The following FBXO32 variants were observed in gnomAD, a reference collection of about 807,000 sequenced individuals.
FBXO32 encodes the protein F-box only protein 32.
In FBXO32, 15 loss-of-function variants were observed where a neutral mutation model predicts 48.3. The observed-to-expected ratio is 0.31, with a 90% confidence interval of 0.21 to 0.48. FBXO32 has a LOEUF of 0.48. Ranked by LOEUF, FBXO32 falls within the 20% of genes least tolerant of loss-of-function variation. The pLI is 0.99. For missense variants in FBXO32, 309 were observed against 432.7 expected (o/e 0.71, Z 2.54); for synonymous variants, 154 against 165.9 (o/e 0.93, Z 0.55).
At position 123,513,286 on chromosome 8, in the gene FBXO32, A is replaced by G; in HGVS notation, c.563T>C (p.Val188Ala). 1 of 1,614,216 alleles carries G rather than the reference A, an allele frequency of 6.2e-7. No homozygotes were observed. The highest frequency in any genetic ancestry group is 1.1e-5 in the South Asian group (1 of 91,082). ...CTLVQRVGKS[V>A]LVGNINMWVY... ...CCACATGTTAATGTTCCCGACCAGC[A>G]CAGACTTGCCGACTCTTTGGACCAG... Residue 188 changes from valine (V) to alanine (A), a missense_variant, in exon 6 of 9, where the codon GTG (valine) becomes GCG (alanine). By Grantham distance (64) the Val-to-Ala change is moderately conservative. Coordinates refer to ENST00000517956, the MANE Select transcript of FBXO32 (RefSeq NM_058229.4). The surrounding 1 kb of genome is among the most constrained non-coding windows in gnomAD (Gnocchi z 4.3).
chr8:123,506,455 G>A lies in FBXO32; in HGVS notation c.771C>T (p.His257=), dbSNP rs34225633. Residue 257 remains histidine (H), a synonymous_variant, in exon 7 of 9, where the codon CAC becomes CAT. Coordinates refer to ENST00000517956, the MANE Select transcript of FBXO32 (RefSeq NM_058229.4). The surrounding 1 kb of genome is among the most constrained non-coding windows in gnomAD (Gnocchi z 4.0). ...ACAGCAGCCGGTCTTCGCTGAGCACGTGCAGGTCGGGGGCAGCCTGGCCCA... is the reference window on the plus strand; with the variant it reads ...ACAGCAGCCGGTCTTCGCTGAGCACATGCAGGTCGGGGGCAGCCTGGCCCA... ...VSLGQAAPDL[H]VLSEDRLLWK... is the part of the protein sequence containing the mutation. The A allele has an allele frequency of 3.3e-3, 5,315 of 1,614,096 alleles. 161 individuals are homozygous for A. The African/African-American group carries it at 0.061, about 19-fold the overall frequency.
chr8:123,501,737 G>A lies in FBXO32; in HGVS notation c.*1636C>T, dbSNP rs1816494644. ...TTTCCCCCTTTCCAGGTCACCCAAAGCTCAGCTCTTAAAGATACACTGTTC... is the reference window on the plus strand; with the variant it reads ...TTTCCCCCTTTCCAGGTCACCCAAAACTCAGCTCTTAAAGATACACTGTTC... On this transcript the variant is annotated 3_prime_UTR_variant, in exon 9 of 9. Coordinates refer to ENST00000517956, the MANE Select transcript of FBXO32 (RefSeq NM_058229.4). 6.6e-6 allele frequency: 1 copy of A among 152,014 alleles called. No homozygotes were observed. The highest frequency in any genetic ancestry group is 1.5e-5 in the Non-Finnish European group (1 of 68,034). The allele number at this position is 152,014 out of a possible 1,614,324, so 9.4% of individuals were successfully genotyped here. A position where few individuals can be genotyped will look rare whatever the true frequency, so the allele number is the denominator to read the frequency against.
chr8:123,509,901 T>C lies in FBXO32; in HGVS notation c.651+3297A>G, dbSNP rs115913565. Among the ~76,000 whole-genome samples the C allele has an allele frequency of 8.9e-3, 1,353 of 152,282 alleles. 24 individuals are homozygous for C. Among genetic ancestry groups the C allele is most frequent in the African/African-American group, 0.03 (1,265 of 41,562 alleles). On this transcript the variant is annotated intron_variant, in intron 6 of 8. Coordinates refer to ENST00000517956, the MANE Select transcript of FBXO32 (RefSeq NM_058229.4). ...GTTCAGTTCTTGTGCCACATCCTAC[T>C]AAGCATGAGGCATCAGCCAAATTAT...
intron 4 of FBXO32, 117 bp downstream of exon 4, chr8:123,531,781 T>A (rs1468743567): frequency 3.1e-6 from 4 of 1,274,956 alleles, no homozygotes; most frequent in Non-Finnish European, 4.3e-6. Flanking sequence ...TCTGCTTGCC[T>A]CAAAATTCTT....
At position 123,540,020 on chromosome 8, in the gene FBXO32, T is replaced by C. The variant is rs1817380498; in HGVS notation, c.116+879A>G. Among the ~76,000 whole-genome samples, 3 of 152,188 alleles carry C rather than the reference T, an allele frequency of 2.0e-5. No homozygotes were observed. In the South Asian group the frequency reaches 6.2e-4, roughly 32 times the overall value. On this transcript the variant is annotated intron_variant, in intron 1 of 8. Coordinates refer to ENST00000517956, the MANE Select transcript of FBXO32 (RefSeq NM_058229.4). The surrounding 1 kb of genome is among the most constrained non-coding windows in gnomAD (Gnocchi z 6.4). Reference sequence around the variant, plus strand: ...TGCGTACTAGCCGGCGCTGGCATCGTTAGCCAAGCTGAGCAGGGAGCGCAG... The same window carrying C: ...TGCGTACTAGCCGGCGCTGGCATCGCTAGCCAAGCTGAGCAGGGAGCGCAG...
rs78627968 is a variant in FBXO32, at chr8:123,509,759, C to T, written c.652-3185G>A. Among the ~76,000 whole-genome samples, 1,343 of 152,140 alleles carry T rather than the reference C, an allele frequency of 8.8e-3. 23 individuals are homozygous for T. Among genetic ancestry groups the T allele is most frequent in the African/African-American group, 0.03 (1,246 of 41,502 alleles). ...AAAAAAGAAAAGCCCTTTAAGGCTC[C>T]GTGGGTTCCAGTACAGCTCTCAATA... On this transcript the variant is annotated intron_variant, in intron 6 of 8. Transcript: ENST00000517956.
chr8:123,520,938 T>TC (rs1476965659), intron 4 of FBXO32, among the ~76,000 whole-genome samples: 1 of 152,196 alleles, frequency 6.6e-6, no homozygotes, highest in Non-Finnish European at 1.5e-5. Flanking sequence ...AAGCTTATTC[T>TC]CACCTCTGGG....
At chr8:123,504,403 A>G (rs1276208904) in intron 8 of FBXO32, among the ~76,000 whole-genome samples, 4 of 152,166 alleles carry the variant, frequency 2.6e-5, no homozygotes, top group African/African-American at 9.7e-5. Flanking sequence ...AAAAGTAAAC[A>G]TAAGAAAGTG....
At chr8:123,523,634 C>CAAAA (rs1048097076) in intron 4 of FBXO32, among the ~76,000 whole-genome samples, 1 of 148,558 alleles carries the variant, frequency 6.7e-6, no homozygotes, top group Non-Finnish European at 1.5e-5. Context: ...AACAAACAAA[C>CAAAA]AAAAAAAAGA....
intron 6 of FBXO32, among the ~76,000 whole-genome samples, chr8:123,509,464 C>T (rs1219156443): frequency 6.6e-6 from 1 of 151,994 alleles, no homozygotes; most frequent in African/African-American, 2.4e-5. Context: ...CTTTGGGAGG[C>T]TGAAGCGGGA....
intron 4 of FBXO32, among the ~76,000 whole-genome samples, chr8:123,515,502 G>A (rs539301275): frequency 6.6e-6 from 1 of 151,490 alleles, no homozygotes; most frequent in South Asian, 2.1e-4. Flanking sequence ...ACCTGCCTTG[G>A]CTTCCCAAAA....
intron 2 of FBXO32, 24 bp from the exon 3 acceptor site, chr8:123,533,264 A>G (rs1817245677): frequency 6.4e-7 from 1 of 1,570,604 alleles, no homozygotes; most frequent in African/African-American, 1.3e-5. Context: ...AAGAATACAC[A>G]GCTTTAACAT....
intron 1 of FBXO32, among the ~76,000 whole-genome samples, chr8:123,537,489 A>T (rs1211730033): frequency 2.0e-5 from 3 of 152,150 alleles, no homozygotes; most frequent in Non-Finnish European, 4.4e-5. Flanking sequence ...TTGGCAGCAG[A>T]TAAAGAAGGG....
Position 123,522,206 on chromosome 8 carries a change from T to C in FBXO32, c.373-7873A>G, listed in dbSNP as rs1017295376. On this transcript the variant is annotated intron_variant, in intron 4 of 8. Coordinates refer to ENST00000517956, the MANE Select transcript of FBXO32 (RefSeq NM_058229.4). ...TTCATCTTTTACCCATCCTGGTTAC[T>C]TTTTTTTTTTTTTTTTTTTTTGAGA... is the stretch of plus-strand genomic sequence containing the variant. Among the ~76,000 whole-genome samples, 8 of 64,854 alleles carry C rather than the reference T, an allele frequency of 1.2e-4. No individual in the cohort carries two copies. The South Asian group carries it at 2.7e-3, about 22-fold the overall frequency. 42.5% of individuals were successfully genotyped at this position (64,854 alleles called of 152,430 possible).
At chr8:123,535,603 C>T (rs550549961) in intron 1 of FBXO32, among the ~76,000 whole-genome samples, 3 of 152,260 alleles carry the variant, frequency 2.0e-5, no homozygotes, top group East Asian at 1.9e-4. Context: ...AGGCTCATCT[C>T]GGGCCAGACG....
chr8:123,532,901 C>T (rs1817237021), intron 3 of FBXO32, among the ~76,000 whole-genome samples: 1 of 152,194 alleles, frequency 6.6e-6, no homozygotes, highest in African/African-American at 2.4e-5. Context: ...TGAGGCAAAA[C>T]CCAGGGCAAT....
At chr8:123,509,305 A>G (rs1242958509) in intron 6 of FBXO32, among the ~76,000 whole-genome samples, 1 of 152,208 alleles carries the variant, frequency 6.6e-6, no homozygotes, top group Non-Finnish European at 1.5e-5. Context: ...CTTTGGGCCA[A>G]ACTGTTAAAA....
At chr8:123,539,893 C>T (rs62521287) in intron 1 of FBXO32, among the ~76,000 whole-genome samples, 9,787 of 152,284 alleles carry the variant, frequency 0.064, 392 homozygotes, top group African/African-American at 0.091. Context: ...TGCACCAGTC[C>T]ATTCTGGAAT....
rs545010801 is a variant in FBXO32, at chr8:123,509,025, C to T, written c.652-2451G>A. Among the ~76,000 whole-genome samples, 3 of 152,306 alleles carry T rather than the reference C, an allele frequency of 2.0e-5. No individual in the cohort carries two copies. The South Asian group carries it at 6.2e-4, about 32-fold the overall frequency. ...CTAACATCCACTAGGGTCTATGTCA[C>T]TCCTCACATGCTTCAAAACAGTGCC... On this transcript the variant is annotated intron_variant, in intron 6 of 8. Transcript: ENST00000517956.
Sources: allele counts gnomAD v4.1 joint callset (sites outside exome capture counted in the v4.1 genomes callset), GRCh38; gene constraint gnomAD v4.1.1; non-coding constraint Gnocchi (gnomAD v3.1); transcripts MANE v1.5; gene names NCBI Gene and HGNC (gene_info 2026-07-23, HGNC 2026-07-21).